The following KAZN variants were observed in gnomAD, a reference collection of about 807,000 sequenced individuals.
KAZN encodes kazrin.
Under a neutral mutation model 87.4 loss-of-function variants are expected in KAZN, and 40 were observed. The observed-to-expected ratio is 0.46, with a 90% CI of 0.36 to 0.60. The LOEUF is 0.60. Ranked by LOEUF, KAZN falls within the 20% of genes least tolerant of loss-of-function variation. The pLI, the probability that KAZN is intolerant of heterozygous loss-of-function variation, is 0.00. For missense variants in KAZN, 898 were observed against 1,073.9 expected (o/e 0.84, Z 2.29); for synonymous variants, 466 against 458.3 (o/e 1.02, Z -0.22).
intron 1 of KAZN, among the ~76,000 whole-genome samples, chr1:13,910,500 C>G (rs1036078138): frequency 5.3e-5 from 8 of 151,234 alleles, no homozygotes; most frequent in African/African-American, 1.9e-4. Context: ...GAGTGAGACT[C>G]TGTCTAAAAA....
chr1:15,034,802 C>G lies in KAZN; in HGVS notation c.472C>G (p.Gln158Glu), dbSNP rs1378342364. The G allele has an allele frequency of 1.9e-6, 3 of 1,613,956 alleles. No individual in the cohort carries two copies. The highest frequency in any genetic ancestry group is 3.3e-5 in the Admixed American group (2 of 59,986). ...LKGEKTDLVSQMQQLYATLES... is the reference protein window; with the variant it reads ...LKGEKTDLVSEMQQLYATLES... ...GGGCGAGAAGACAGACCTGGTGAGC[C>G]AGATGCAGCAGCTGTATGCCACACT... Residue 158 changes from glutamine (Q) to glutamate (E), a missense_variant, in exon 3 of 15, where the codon CAG (glutamine) becomes GAG (glutamate). Coordinates refer to ENST00000376030, the MANE Select transcript of KAZN (RefSeq NM_201628.3).
rs114825906 is a variant in KAZN, at chr1:14,159,407, G to A, written c.92-21028G>A. On this transcript the variant is annotated intron_variant, in intron 1 of 16. Transcript: ENST00000636203. ...TACCATCACCACAGGTCCATGCATA[G>A]TACTGCTAGACTACCGCTGATGTTC... Among the ~76,000 whole-genome samples, 1,078 of 152,250 alleles carry A rather than the reference G, an allele frequency of 7.1e-3. 11 individuals carry two copies. The highest frequency in any genetic ancestry group is 0.024 in the African/African-American group (1,017 of 41,534).
At chr1:14,900,934 A>G (rs555941354) in intron 1 of KAZN, among the ~76,000 whole-genome samples, 4 of 152,290 alleles carry the variant, frequency 2.6e-5, no homozygotes, top group African/African-American at 7.2e-5. Context: ...GGTATGTTGC[A>G]TAAACTCTCT....
intron 2 of KAZN, among the ~76,000 whole-genome samples, chr1:14,473,825 T>A (rs2148375377): frequency 6.6e-6 from 1 of 152,200 alleles, no homozygotes; most frequent in Middle Eastern, 3.4e-3. Flanking sequence ...CCTTTGCAAG[T>A]GTTGTTTCCT....
intron 1 of KAZN, among the ~76,000 whole-genome samples, chr1:14,629,640 T>C (rs951607155): frequency 1.3e-5 from 2 of 152,186 alleles, no homozygotes; most frequent in African/African-American, 4.8e-5. Flanking sequence ...GTTGCTTCCT[T>C]GTTCACATCC....
chr1:13,953,114 T>A (rs1297237690), intron 1 of KAZN, among the ~76,000 whole-genome samples: 1 of 151,998 alleles, frequency 6.6e-6, no homozygotes, highest in Non-Finnish European at 1.5e-5. Context: ...GCCCCCGAAT[T>A]CAATAGACAA....
chr1:14,922,592 G>C (rs2101502973), intron 1 of KAZN, among the ~76,000 whole-genome samples: 1 of 152,188 alleles, frequency 6.6e-6, no homozygotes, highest in African/African-American at 2.4e-5. Context: ...AGGAGTTCGA[G>C]ACCAGCCTGA....
intron 2 of KAZN, among the ~76,000 whole-genome samples, chr1:14,257,890 A>C (rs373171187): frequency 7.0e-6 from 1 of 143,258 alleles, no homozygotes; most frequent in East Asian, 2.2e-4. Context: ...ACATGTATAC[A>C]TATGTAACTA....
intron 2 of KAZN, among the ~76,000 whole-genome samples, chr1:14,201,810 A>C (rs1646646263): frequency 6.6e-6 from 1 of 152,198 alleles, no homozygotes; most frequent in African/African-American, 2.4e-5. Context: ...CTGGGATTAC[A>C]GGCATGCACC....
intron 1 of KAZN, among the ~76,000 whole-genome samples, chr1:14,032,306 T>C (rs1045774907): frequency 3.3e-5 from 5 of 152,200 alleles, no homozygotes; most frequent in Admixed American, 2.6e-4. Flanking sequence ...GTCGGTAGCA[T>C]TCCTTGTTAT....
At chr1:14,889,823 A>G (rs984900033) in intron 1 of KAZN, among the ~76,000 whole-genome samples, 3 of 152,218 alleles carry the variant, frequency 2.0e-5, no homozygotes, top group Non-Finnish European at 4.4e-5. Flanking sequence ...AGCCTTGCCC[A>G]TGTATTTATG....
chr1:15,054,065 C>T (rs1399642108), intron 4 of KAZN, among the ~76,000 whole-genome samples: 7 of 151,988 alleles, frequency 4.6e-5, no homozygotes, highest in Non-Finnish European at 7.4e-5. Flanking sequence ...GATGAGAGTG[C>T]ATCAGGCATT....
intron 1 of KAZN, among the ~76,000 whole-genome samples, chr1:14,001,095 A>G (rs192932799): frequency 1.6e-4 from 24 of 152,212 alleles, no homozygotes; most frequent in African/African-American, 5.5e-4. Flanking sequence ...ATGATTTTAT[A>G]TTTAGAAAAC....
Position 15,112,501 on chromosome 1 carries a change from A to G in KAZN, c.2123A>G (p.Lys708Arg). The G allele has an allele frequency of 6.2e-7, 1 of 1,608,768 alleles. No homozygotes were observed. Among genetic ancestry groups the G allele is most frequent in the Non-Finnish European group, 8.5e-7 (1 of 1,177,988 alleles). ...GRASSVTRAG[K>R]EENSSGLKYK... is the part of the protein sequence containing the mutation. ...GCCTCCAGCGTCACGCGGGCAGGAA[A>G]GGAGGAGAACAGCAGCGGTCTCAAG... is the stretch of plus-strand genomic sequence containing the variant. Residue 708 changes from lysine (K) to arginine (R), a missense_variant, in exon 14 of 15, where the codon AAG becomes AGG. Physicochemically the swap from Lys to Arg is conservative, Grantham distance 26 (BLOSUM62 2). Around this residue, in one of 3 missense-constraint regions of KAZN, gnomAD observed 127 missense variants for 121.5 expected, o/e 1.04. Coordinates refer to ENST00000376030, the MANE Select transcript of KAZN (RefSeq NM_201628.3).
intron 1 of KAZN, among the ~76,000 whole-genome samples, chr1:13,907,735 T>C (rs1176334730): frequency 6.6e-6 from 1 of 152,220 alleles, no homozygotes; most frequent in Non-Finnish European, 1.5e-5. Flanking sequence ...TAAGGCTGAA[T>C]TAGTCTGGCA....
chr1:14,632,191 G>A (rs1189608880), intron 1 of KAZN, among the ~76,000 whole-genome samples: 2 of 152,176 alleles, frequency 1.3e-5, no homozygotes, highest in East Asian at 1.9e-4. Context: ...GGGTGGGGAC[G>A]GGCTTGGAGC....
chr1:14,096,262 A>G (rs559714599), intron 1 of KAZN, among the ~76,000 whole-genome samples: 1 of 152,348 alleles, frequency 6.6e-6, no homozygotes, highest in East Asian at 1.9e-4. Flanking sequence ...AGAGAGAGGC[A>G]GGACATTTTG....
intron 2 of KAZN, among the ~76,000 whole-genome samples, chr1:14,419,716 C>A (rs960257980): frequency 7.2e-5 from 11 of 152,186 alleles, no homozygotes; most frequent in Admixed American, 5.2e-4. Context: ...AGAGTGAAGC[C>A]GCAGACCTCC....
At chr1:14,812,927 T>G (rs190974763) in intron 1 of KAZN, among the ~76,000 whole-genome samples, 12 of 152,272 alleles carry the variant, frequency 7.9e-5, no homozygotes, top group Non-Finnish European at 1.2e-4. Context: ...AGAAATTCAG[T>G]CTTAATTTTA....
Sources: gnomAD v4.1 joint callset for allele counts (sites outside exome capture counted in the v4.1 genomes callset) on GRCh38, gnomAD v4.1.1 for gene constraint, gnomAD v4.1.1 regional missense constraint, MANE v1.5 for transcripts, NCBI Gene and HGNC (gene_info 2026-07-23, HGNC 2026-07-21) for gene names.